The following PPP1R13B variants were observed in gnomAD, a reference collection of about 807,000 sequenced individuals.
PPP1R13B encodes the protein protein phosphatase 1 regulatory subunit 13B.
Under a neutral mutation model 119.8 loss-of-function variants are expected in PPP1R13B, and 44 were observed. The ratio of observed to expected loss-of-function variants is 0.37; its 90% confidence interval spans 0.29 to 0.47. PPP1R13B has a LOEUF of 0.47. Among genes scored for constraint, PPP1R13B ranks in the 20% least tolerant of loss-of-function variants. The pLI is 0.99. For missense variants in PPP1R13B, 1,227 were observed against 1,413.5 expected, an observed-to-expected ratio of 0.87 and a Z score of 2.12; for synonymous variants, 542 against 561.5, an observed-to-expected ratio of 0.97 and a Z score of 0.49.
At chr14:103,806,127 G>A (rs1025912875) in intron 1 of PPP1R13B, among the ~76,000 whole-genome samples, 15 of 152,186 alleles carry the variant, frequency 9.9e-5, no homozygotes, top group African/African-American at 3.1e-4. Flanking sequence ...CCTGGAATAG[G>A]AAGCCCAAGT....
At chr14:103,786,173 T>C (rs924141004) in intron 2 of PPP1R13B, among the ~76,000 whole-genome samples, 1 of 152,068 alleles carries the variant, frequency 6.6e-6, no homozygotes, top group Non-Finnish European at 1.5e-5. Context: ...CCAAGTTAGC[T>C]GAAACTATAG....
Position 103,792,159 on chromosome 14 carries a change from C to T in PPP1R13B, c.157+5212G>A, listed in dbSNP as rs1025567162. Among the ~76,000 whole-genome samples, 4 of 128,752 alleles carry T rather than the reference C, an allele frequency of 3.1e-5. No individual in the cohort carries two copies. The East Asian group carries it at 9.1e-4, about 29-fold the overall frequency. 84.5% of individuals were successfully genotyped at this position (128,752 alleles called of 152,430 possible). A position where few individuals can be genotyped will look rare whatever the true frequency, so the allele number is the denominator to read the frequency against. On this transcript the variant is annotated intron_variant, in intron 2 of 16. Transcript: ENST00000202556. ...TATTTAACAGAAATTTATTGTTTCCCTCTATTCATCGTGTGTGTGTGTGTG... is the reference window on the plus strand; with the variant it reads ...TATTTAACAGAAATTTATTGTTTCCTTCTATTCATCGTGTGTGTGTGTGTG...
intron 4 of PPP1R13B, among the ~76,000 whole-genome samples, chr14:103,773,406 C>T (rs927066201): frequency 2.6e-5 from 4 of 152,042 alleles, no homozygotes; most frequent in African/African-American, 9.7e-5. Flanking sequence ...TCAACAAAGC[C>T]CAATAGGGAA....
chr14:103,791,498 G>A lies in PPP1R13B; in HGVS notation c.157+5873C>T, dbSNP rs543406374. Reference sequence around the variant, plus strand: ...TCCCAGCACTTTGGGAGGCCAAGGCGGGCAGATCATGGGGTCAGGAATTCG... The same window carrying A: ...TCCCAGCACTTTGGGAGGCCAAGGCAGGCAGATCATGGGGTCAGGAATTCG... On this transcript the variant is annotated intron_variant, in intron 2 of 16. Coordinates refer to ENST00000202556, the MANE Select transcript of PPP1R13B (RefSeq NM_015316.3). Among the ~76,000 whole-genome samples the A allele has an allele frequency of 1.8e-3, 271 of 152,312 alleles. 1 individual carries two copies. Among genetic ancestry groups the A allele is most frequent in the Middle Eastern group, 0.014 (4 of 294 alleles).
Position 103,797,357 on chromosome 14 carries a change from G to A in PPP1R13B, c.157+14C>T. The A allele has an allele frequency of 1.2e-6, 2 of 1,606,278 alleles. No individual in the cohort carries two copies. The highest frequency in any genetic ancestry group is 1.7e-4 in the Middle Eastern group (1 of 6,040). On this transcript the variant is annotated intron_variant, in intron 2 of 16. Coordinates refer to ENST00000202556, the MANE Select transcript of PPP1R13B (RefSeq NM_015316.3). ...TTTATCAATGTAACAATCTTTACAG[G>A]ACCTAATACATACCATTTCCCCTCC...
At chr14:103,817,837 C>T (rs979701449) in intron 1 of PPP1R13B, among the ~76,000 whole-genome samples, 13 of 151,884 alleles carry the variant, frequency 8.6e-5, no homozygotes, top group African/African-American at 2.9e-4. Flanking sequence ...ACAATCTAAC[C>T]CAAGTGTGTC....
chr14:103,795,630 C>T (rs1391576171), intron 2 of PPP1R13B, among the ~76,000 whole-genome samples: 1 of 152,030 alleles, frequency 6.6e-6, no homozygotes, highest in African/African-American at 2.4e-5. Flanking sequence ...GAATTGATAA[C>T]AAGTAACAGA....
At chr14:103,786,474 C>G (rs899018772) in intron 2 of PPP1R13B, among the ~76,000 whole-genome samples, 1 of 151,978 alleles carries the variant, frequency 6.6e-6, no homozygotes. Flanking sequence ...TTTCAAAAAT[C>G]TGGGTTGTGG....
At chr14:103,772,675 CT>C (rs200012700) in intron 4 of PPP1R13B, among the ~76,000 whole-genome samples, 22,002 of 140,420 alleles carry the variant, frequency 0.16, 2,624 homozygotes, top group African/African-American at 0.34. Flanking sequence ...GTTTCTTTTT[CT>C]TTTTTTTTTT....
chr14:103,760,385 A>C (rs532782876), intron 4 of PPP1R13B, among the ~76,000 whole-genome samples: 1 of 152,044 alleles, frequency 6.6e-6, no homozygotes, highest in African/African-American at 2.4e-5. Context: ...ATCTAATAAG[A>C]AGAAGTCAAA....
chr14:103,742,354 C>T lies in PPP1R13B; in HGVS notation c.1321-63G>A. The T allele has an allele frequency of 6.7e-7, 1 of 1,488,570 alleles. No homozygotes were observed. The highest frequency in any genetic ancestry group is 8.9e-7 in the Non-Finnish European group (1 of 1,122,048). The allele number at this position is 1,488,570 out of a possible 1,614,324, so 92.2% of individuals were successfully genotyped here. ...TTTGAACAGTTAAGAATATTTCCAC[C>T]CACATTCCCAAGAGAATACACAGTA... is the stretch of plus-strand genomic sequence containing the variant. On this transcript the variant is annotated intron_variant, in intron 10 of 16. Transcript: ENST00000202556. The surrounding 1 kb of genome is among the most constrained non-coding windows in gnomAD (Gnocchi z 4.9).
At chr14:103,737,894 G>C in intron 14 of PPP1R13B, 34 bp from the exon 15 acceptor site, 1 of 1,599,732 alleles carries the variant, frequency 6.3e-7, no homozygotes. Context: ...TGCAGGCCTG[G>C]CACTGCCTGT....
At chr14:103,792,169 CGT>C (rs58782839) in intron 2 of PPP1R13B, among the ~76,000 whole-genome samples, 7 of 137,256 alleles carry the variant, frequency 5.1e-5, no homozygotes, top group South Asian at 2.3e-4. Context: ...CTCTATTCAT[CGT>C]GTGTGTGTGT....
chr14:103,812,922 T>C (rs1215729075), intron 1 of PPP1R13B, among the ~76,000 whole-genome samples: 2 of 152,054 alleles, frequency 1.3e-5, no homozygotes, highest in African/African-American at 2.4e-5. Flanking sequence ...CTAACACTGG[T>C]GAGGATGCGG....
At position 103,743,005 on chromosome 14, in the gene PPP1R13B, C is replaced by T; in HGVS notation, c.1151-182G>A. 4 of 659,622 alleles carry T rather than the reference C, an allele frequency of 6.1e-6. No individual in the cohort carries two copies. In the South Asian group the frequency reaches 7.6e-5, roughly 13 times the overall value. The allele number at this position is 659,622 out of a possible 1,614,324, so 40.9% of individuals were successfully genotyped here. On this transcript the variant is annotated intron_variant, in intron 9 of 16. Transcript: ENST00000202556. ...CTGATCTCCTCCAGCACCCACAGAC[C>T]CGTGCACAAGACCAAGGGACGGGCT... is the stretch of plus-strand genomic sequence containing the variant.
chr14:103,793,359 T>G (rs561060310), intron 2 of PPP1R13B, among the ~76,000 whole-genome samples: 64 of 152,238 alleles, frequency 4.2e-4, no homozygotes, highest in African/African-American at 1.4e-3. Flanking sequence ...TGGTTTCTCA[T>G]GATAGTGAGT....
chr14:103,848,279 A>G, upstream of PPP1R13B: 4 of 985,394 alleles, frequency 4.1e-6, no homozygotes, highest in Non-Finnish European at 4.8e-6. Flanking sequence ...CACCTGCGCC[A>G]GCATCCCTCG....
In PPP1R13B at chr14:103,746,536, G is replaced by A; in HGVS notation, c.987C>T (p.Gly329=). 9 of 1,600,408 alleles carry A rather than the reference G, an allele frequency of 5.6e-6. No homozygotes were observed. Among genetic ancestry groups the A allele is most frequent in the Non-Finnish European group, 7.7e-6 (9 of 1,172,756 alleles). ...GKKIQLNRVN[G]TSSPQSPLST... Reference sequence around the variant, plus strand: ...TCAGAGGGGACTGTGGTGATGACGTGCCATTCACACGGTTCAGCTACAAAT... The same window carrying A: ...TCAGAGGGGACTGTGGTGATGACGTACCATTCACACGGTTCAGCTACAAAT... The change falls in exon 9 of 17, where the codon GGC becomes GGT. Residue 329 remains glycine (G), a synonymous_variant. Coordinates refer to ENST00000202556, the MANE Select transcript of PPP1R13B (RefSeq NM_015316.3).
At chr14:103,795,634 T>C (rs577446251) in intron 2 of PPP1R13B, among the ~76,000 whole-genome samples, 70 of 152,084 alleles carry the variant, frequency 4.6e-4, no homozygotes, top group Non-Finnish European at 8.8e-4. Flanking sequence ...TGATAACAAG[T>C]AACAGAGAAC....
Sources: gnomAD v4.1 joint callset for allele counts (sites outside exome capture counted in the v4.1 genomes callset) on GRCh38, gnomAD v4.1.1 for gene constraint, Gnocchi (gnomAD v3.1) non-coding constraint, MANE v1.5 for transcripts, NCBI Gene and HGNC (gene_info 2026-07-23, HGNC 2026-07-21) for gene names.